Variants in SNTG1 observed in about 807,000 individuals in gnomAD.
The protein encoded by SNTG1 is syntrophin gamma 1.
SNTG1 carries 39 observed loss-of-function variants against 74.7 expected under a neutral mutation model. The ratio of observed to expected loss-of-function variants is 0.52; its 90% CI spans 0.40 to 0.68. SNTG1 has a LOEUF of 0.68. Among genes scored for constraint, SNTG1 ranks in the 30% least tolerant of loss-of-function variants. The pLI is 0.00. For missense variants in SNTG1, 685 were observed against 609.5 expected, an observed-to-expected ratio of 1.12 and a Z score of -1.30; for synonymous variants, 254 against 217.1, an observed-to-expected ratio of 1.17 and a Z score of -1.49.
At chr8:50,605,751 G>A (rs2094807676) in intron 13 of SNTG1, among the ~76,000 whole-genome samples, 1 of 152,160 alleles carries the variant, frequency 6.6e-6, no homozygotes, top group Non-Finnish European at 1.5e-5. Context: ...GCTATTTGAT[G>A]TGTGGTTGTT....
chr8:50,361,515 G>C (rs2091958667), intron 2 of SNTG1, among the ~76,000 whole-genome samples: 1 of 152,100 alleles, frequency 6.6e-6, no homozygotes, highest in Non-Finnish European at 1.5e-5. Context: ...TTGTTTGCTT[G>C]TTTGTTTAGA....
chr8:50,336,407 T>C (rs2091143665), intron 2 of SNTG1, among the ~76,000 whole-genome samples: 1 of 152,250 alleles, frequency 6.6e-6, no homozygotes, highest in Admixed American at 6.5e-5. Flanking sequence ...TTATGTGAAT[T>C]GAGAGGTATT....
intron 8 of SNTG1, among the ~76,000 whole-genome samples, chr8:50,463,577 A>G (rs1216644395): frequency 6.6e-6 from 1 of 152,204 alleles, no homozygotes; most frequent in Admixed American, 6.6e-5. Context: ...TCTAAGCAGT[A>G]CGTCTCAACA....
chr8:50,159,403 G>A (rs900580596), intron 1 of SNTG1, among the ~76,000 whole-genome samples: 5 of 152,186 alleles, frequency 3.3e-5, no homozygotes, highest in African/African-American at 7.2e-5. Flanking sequence ...TGTTGGCTTA[G>A]GACAGGTTTA....
rs530668544 is a variant in SNTG1, at chr8:50,484,479, C to T, written c.364-18299C>T. Among the ~76,000 whole-genome samples the T allele has an allele frequency of 8.6e-5, 13 of 151,596 alleles. No individual in the cohort carries two copies. The East Asian group carries it at 2.0e-3, about 23-fold the overall frequency. On this transcript the variant is annotated intron_variant, in intron 8 of 18. Coordinates refer to ENST00000642720, the MANE Select transcript of SNTG1 (RefSeq NM_018967.5). Reference sequence around the variant, plus strand: ...ATCTACCTGTCTCGGCCTCCCAAAGCGCTGTGATTACAGGCGTGAGCCTCC... The same window carrying T: ...ATCTACCTGTCTCGGCCTCCCAAAGTGCTGTGATTACAGGCGTGAGCCTCC...
At chr8:50,303,358 T>C (rs565986162) in intron 2 of SNTG1, among the ~76,000 whole-genome samples, 19 of 152,198 alleles carry the variant, frequency 1.2e-4, no homozygotes, top group African/African-American at 3.6e-4. Context: ...AAAATTAATA[T>C]GCTAAAATTT....
At chr8:50,116,774 C>G (rs2080839091) in intron 1 of SNTG1, among the ~76,000 whole-genome samples, 1 of 152,078 alleles carries the variant, frequency 6.6e-6, no homozygotes, top group Admixed American at 6.6e-5. Flanking sequence ...GGCTGCTGCT[C>G]CTATTTGCCT....
At chr8:50,512,113 G>C (rs1368978866) in intron 9 of SNTG1, among the ~76,000 whole-genome samples, 1 of 151,980 alleles carries the variant, frequency 6.6e-6, no homozygotes, top group East Asian at 1.9e-4. Context: ...CAGGCCTGGT[G>C]GTGACAAAAT....
At chr8:50,560,042 T>A (rs549403425) in intron 12 of SNTG1, among the ~76,000 whole-genome samples, 1 of 151,464 alleles carries the variant, frequency 6.6e-6, no homozygotes, top group Non-Finnish European at 1.5e-5. Flanking sequence ...AAAAATACGT[T>A]AAAAAGTGGG....
chr8:50,070,681 G>C (rs1227721219), intron 1 of SNTG1, among the ~76,000 whole-genome samples: 1 of 152,188 alleles, frequency 6.6e-6, no homozygotes, highest in African/African-American at 2.4e-5. Flanking sequence ...GCAAAATTGA[G>C]TTTCCTGGTC....
At chr8:49,929,131 A>G (rs1028514853) in intron 1 of SNTG1, among the ~76,000 whole-genome samples, 3 of 152,216 alleles carry the variant, frequency 2.0e-5, no homozygotes, top group Non-Finnish European at 4.4e-5. Context: ...AGAAAATAAA[A>G]TCAAGATAAC....
rs139824689 is a variant in SNTG1, at chr8:50,023,564, A to G, written c.-103+111333A>G. On this transcript the variant is annotated intron_variant, in intron 1 of 18. Coordinates refer to ENST00000642720, the MANE Select transcript of SNTG1 (RefSeq NM_018967.5). ...CTTAAAAAGTTTATTCATGTATGCA[A>G]ATATGAGTTTCTGAAAATTTCATGC... 1.7e-3 allele frequency among the ~76,000 whole-genome samples: 254 copies of G among 152,276 alleles called. 4 individuals carry two copies. The highest frequency in any genetic ancestry group is 0.015 in the Admixed American group (231 of 15,278).
intron 2 of SNTG1, among the ~76,000 whole-genome samples, chr8:50,185,939 C>T (rs1164351319): frequency 9.2e-5 from 14 of 152,022 alleles, no homozygotes; most frequent in East Asian, 1.9e-4. Context: ...CCTATCAACA[C>T]GTCATCTAGG....
chr8:50,702,072 A>G (rs1293551623), intron 15 of SNTG1, among the ~76,000 whole-genome samples: 2 of 292 alleles, frequency 6.8e-3, no homozygotes. Context: ...TCTGGTCTGG[A>G]ACTCCCCAAC....
intron 1 of SNTG1, among the ~76,000 whole-genome samples, chr8:50,081,586 C>T (rs976244807): frequency 6.6e-6 from 1 of 152,014 alleles, no homozygotes; most frequent in Non-Finnish European, 1.5e-5. Flanking sequence ...TGTCTTCCCA[C>T]AGGTGTCTGA....
At chr8:50,647,450 A>G (rs966769724) in intron 13 of SNTG1, among the ~76,000 whole-genome samples, 3 of 151,924 alleles carry the variant, frequency 2.0e-5, no homozygotes, top group African/African-American at 7.3e-5. Flanking sequence ...ATATATATAT[A>G]CATATATATG....
At chr8:50,747,439 G>A (rs1262461730) in intron 17 of SNTG1, among the ~76,000 whole-genome samples, 2 of 151,048 alleles carry the variant, frequency 1.3e-5, no homozygotes, top group African/African-American at 4.9e-5. Flanking sequence ...AAGTTTTTTT[G>A]TGCATGTGTG....
At chr8:50,190,815 C>T (rs2083545898) in intron 2 of SNTG1, among the ~76,000 whole-genome samples, 1 of 152,026 alleles carries the variant, frequency 6.6e-6, no homozygotes, top group Non-Finnish European at 1.5e-5. Flanking sequence ...GAACTGGTTC[C>T]CTGTGAGGAA....
intron 1 of SNTG1, among the ~76,000 whole-genome samples, chr8:50,062,608 A>T (rs556638153): frequency 3.3e-3 from 505 of 151,884 alleles, no homozygotes; most frequent in Non-Finnish European, 6.1e-3. Flanking sequence ...AATATTTTTT[A>T]TTTTTTTTAC....
Sources: gnomAD v4.1 joint callset for allele counts (sites outside exome capture counted in the v4.1 genomes callset) on GRCh38, gnomAD v4.1.1 for gene constraint, MANE v1.5 for transcripts, NCBI Gene and HGNC (gene_info 2026-07-23, HGNC 2026-07-21) for gene names.